APLN: variants seen among roughly 807,000 people sequenced by gnomAD.
APLN encodes the protein apelin, also known as AGTRL1 ligand.
In APLN, 2 loss-of-function variants were observed where a neutral mutation model predicts 4.3. The ratio of observed to expected loss-of-function variants is 0.46; its 90% confidence interval spans 0.19 to 1.45. The LOEUF (loss-of-function observed/expected upper bound fraction) is 1.45, where lower values mean the gene tolerates loss of function less well. Among genes scored for constraint, APLN ranks in the 40% most tolerant of loss-of-function variants. The pLI is 0.25. For synonymous variants in APLN, 34 were observed against 30.4 expected (o/e 1.12, Z -0.38); for missense variants, 80 against 70.0 (o/e 1.14, Z -0.51).
At chrX:129,653,593 T>C (rs756034835) in intron 1 of APLN, among the ~76,000 whole-genome samples, 1 of 112,124 alleles carries the variant, frequency 8.9e-6, no homozygotes, top group Admixed American at 9.3e-5. Context: ...CCAGGAGACA[T>C]TGACACAGAG....
At chrX:129,650,462 C>CCACACA (rs1229301015) in intron 1 of APLN, among the ~76,000 whole-genome samples, 1 of 110,144 alleles carries the variant, frequency 9.1e-6, no homozygotes, top group Non-Finnish European at 1.9e-5. Context: ...CCCACCCCCT[C>CCACACA]CACACACACA....
At chrX:129,647,950 T>C in intron 2 of APLN, 33 bp from the exon 3 acceptor site, 9 of 979,884 alleles carry the variant, frequency 9.2e-6, no homozygotes, top group African/African-American at 2.0e-5. Context: ...AGAGAAGTCA[T>C]GGACATATCC....
intron 1 of APLN, among the ~76,000 whole-genome samples, chrX:129,650,989 C>A (rs924032527): frequency 9.0e-6 from 1 of 111,584 alleles, no homozygotes; most frequent in African/African-American, 3.3e-5. Flanking sequence ...GTGGTGCAGG[C>A]CATTGTAGCT....
At chrX:129,653,565 A>G (rs1403374618) in intron 1 of APLN, among the ~76,000 whole-genome samples, 1 of 112,448 alleles carries the variant, frequency 8.9e-6, no homozygotes, top group Non-Finnish European at 1.9e-5. Flanking sequence ...TGGCAGCTGG[A>G]GGTGGGAGCT....
rs768408532 is a variant in APLN, at chrX:129,647,333, C to T, written c.*590G>A. On this transcript the variant is annotated 3_prime_UTR_variant, in exon 3 of 3. Transcript: ENST00000429967. ...TCTACCTCTCCCTTAACTGAGCAAACGCTGATGCTCCACCCACTTCACCAG... is the reference window on the plus strand; with the variant it reads ...TCTACCTCTCCCTTAACTGAGCAAATGCTGATGCTCCACCCACTTCACCAG... 1.3e-4 allele frequency: 29 copies of T among 222,652 alleles called. No individual in the cohort carries two copies. The highest frequency in any genetic ancestry group is 4.1e-4 in the African/African-American group (14 of 34,539). The allele number at this position is 222,652 out of a possible 1,213,427, so 18.3% of individuals were successfully genotyped here.
intron 1 of APLN, among the ~76,000 whole-genome samples, chrX:129,651,077 G>A (rs980970886): frequency 1.0e-5 from 1 of 95,320 alleles, no homozygotes; most frequent in South Asian, 4.3e-4. Flanking sequence ...CTCAGATTGT[G>A]AGTGTCTGGC....
chrX:129,647,746 C>T lies in APLN; in HGVS notation c.*177G>A. ...GAGAGAACGGGAATCATCCAAACTACAGCCAGGAGCACGCCACTGGGGGAA... is the reference window on the plus strand; with the variant it reads ...GAGAGAACGGGAATCATCCAAACTATAGCCAGGAGCACGCCACTGGGGGAA... On this transcript the variant is annotated 3_prime_UTR_variant, in exon 3 of 3. Transcript: ENST00000429967. 2.0e-6 allele frequency: 2 copies of T among 982,880 alleles called. No individual in the cohort carries two copies. Among genetic ancestry groups the T allele is most frequent in the Non-Finnish European group, 2.6e-6 (2 of 756,100 alleles). 81.0% of individuals were successfully genotyped at this position (982,880 alleles called of 1,213,427 possible).
intron 1 of APLN, among the ~76,000 whole-genome samples, chrX:129,651,329 A>G (rs755009296): frequency 9.1e-6 from 1 of 109,976 alleles, no homozygotes; most frequent in East Asian, 2.9e-4. Flanking sequence ...CCCGTCACCC[A>G]CCTGTTTCCT....
At position 129,645,311 on chromosome X, in the gene APLN, ACT is replaced by A. The variant is rs1936932546; in HGVS notation, c.*2610_*2611del. On this transcript the variant is annotated 3_prime_UTR_variant, in exon 3 of 3. Coordinates refer to ENST00000429967, the MANE Select transcript of APLN (RefSeq NM_017413.5). Reference sequence around the variant, plus strand: ...TTCAGGCTATCTCATTCATCAAGCAACTCTACTTTGTGAAACATAAAATGATA... The same window carrying A: ...TTCAGGCTATCTCATTCATCAAGCAACTACTTTGTGAAACATAAAATGATA... The A allele has an allele frequency of 8.9e-6, 1 of 112,357 alleles. No individual in the cohort carries two copies. The highest frequency in any genetic ancestry group is 1.9e-5 in the Non-Finnish European group (1 of 53,359). 9.3% of individuals were successfully genotyped at this position (112,357 alleles called of 1,213,427 possible). A position where few individuals can be genotyped will look rare whatever the true frequency, so the allele number is the denominator to read the frequency against.
Position 129,648,675 on chromosome X carries a change from A to G in APLN, c.185T>C (p.Phe62Ser), listed in dbSNP as rs768601709. 8.4e-7 allele frequency: 1 copy of G among 1,190,188 alleles called. No homozygotes were observed. The highest frequency in any genetic ancestry group is 1.9e-5 in the South Asian group (1 of 53,946). Residue 62 changes from phenylalanine (F) to serine (S), a missense_variant, in exon 2 of 3, where the codon TTC becomes TCC. Phe to Ser is a radical substitution (Grantham distance 155). Transcript: ENST00000429967. Reference protein sequence around the residue: ...PGPWQGGRRKFRRQRPRLSHK... With the variant: ...PGPWQGGRRKSRRQRPRLSHK... The stretch of plus-strand genomic sequence containing the variant: ...GGAGAGGCGGGGCCGCTGGCGGCGG[A>G]ATTTCCTCCGACCTCCCTGCCAGGG...
chrX:129,648,446 A>G (rs1325624575), intron 2 of APLN, among the ~76,000 whole-genome samples, 175 bp downstream of exon 2: 1 of 112,880 alleles, frequency 8.9e-6, no homozygotes, highest in African/African-American at 3.2e-5. Context: ...TGTAAAATAA[A>G]GGGGCTAGAC....
chrX:129,654,796 G>A lies in APLN; in HGVS notation c.-166C>T, dbSNP rs1336152024. On this transcript the variant is annotated 5_prime_UTR_variant, in exon 1 of 3. Coordinates refer to ENST00000429967, the MANE Select transcript of APLN (RefSeq NM_017413.5). ...GCGCTGAGCCCCGCCGCTCCCGCTG[G>A]CCGCCTCCGCTCTTCTGCAGCCTCC... is the stretch of plus-strand genomic sequence containing the variant. 4 of 237,003 alleles carry A rather than the reference G, an allele frequency of 1.7e-5. No homozygotes were observed. Among genetic ancestry groups the A allele is most frequent in the Non-Finnish European group, 1.5e-5 (2 of 137,755 alleles). 19.5% of individuals were successfully genotyped at this position (237,003 alleles called of 1,213,427 possible). A position where few individuals can be genotyped will look rare whatever the true frequency, so the allele number is the denominator to read the frequency against.
At chrX:129,651,780 TCA>T (rs1569469185) in intron 1 of APLN, among the ~76,000 whole-genome samples, 2 of 112,302 alleles carry the variant, frequency 1.8e-5, no homozygotes, top group African/African-American at 6.5e-5. Flanking sequence ...TTTTCCTCTC[TCA>T]GTCTGGCCTG....
chrX:129,652,707 G>A (rs1242054037), intron 1 of APLN, among the ~76,000 whole-genome samples: 1 of 112,523 alleles, frequency 8.9e-6, no homozygotes, highest in African/African-American at 3.2e-5. Flanking sequence ...GAAGTGGCAG[G>A]CTCTGGACCA....
chrX:129,647,060 C>T lies in APLN; in HGVS notation c.*863G>A, dbSNP rs1273869496. ...CCTCTCCAGGCTTCTGTTTTGCAGG[C>T]GTTTGCCTAAGAAGGCTAAGTGACC... On this transcript the variant is annotated 3_prime_UTR_variant, in exon 3 of 3. Coordinates refer to ENST00000429967, the MANE Select transcript of APLN (RefSeq NM_017413.5). 3 of 117,350 alleles carry T rather than the reference C, an allele frequency of 2.6e-5. No homozygotes were observed. Among genetic ancestry groups the T allele is most frequent in the East Asian group, 2.6e-4 (1 of 3,777 alleles). The allele number at this position is 117,350 out of a possible 1,213,427, so 9.7% of individuals were successfully genotyped here.
chrX:129,650,442 C>T (rs375922456), intron 1 of APLN, among the ~76,000 whole-genome samples: 1 of 110,503 alleles, frequency 9.0e-6, no homozygotes, highest in Non-Finnish European at 1.9e-5. Flanking sequence ...CCCACTCACA[C>T]CCAGACATAC....
Position 129,654,714 on chromosome X carries a change from C to T in APLN, c.-84G>A, listed in dbSNP as rs1925011372. 48 of 766,459 alleles carry T rather than the reference C, an allele frequency of 6.3e-5. No homozygotes were observed. The highest frequency in any genetic ancestry group is 7.9e-5 in the Non-Finnish European group (47 of 592,536). 63.2% of individuals were successfully genotyped at this position (766,459 alleles called of 1,213,427 possible). ...GCCCGGAGGCCAAGAAAGGCGCGAG[C>T]CGCGGCTGGCGCGTGCGGGCGCAGA... On this transcript the variant is annotated 5_prime_UTR_variant, in exon 1 of 3. Transcript: ENST00000429967.
chrX:129,651,039 A>G (rs770728467), intron 1 of APLN, among the ~76,000 whole-genome samples: 12 of 105,392 alleles, frequency 1.1e-4, no homozygotes, highest in Admixed American at 6.0e-4. Context: ...GCATGGTGCC[A>G]GGAGGGGGAG....
rs1043336751 is a variant in APLN, at chrX:129,647,425, C to T, written c.*498G>A. On this transcript the variant is annotated 3_prime_UTR_variant, in exon 3 of 3. Transcript: ENST00000429967. ...GCCCTGTCTGGATCCCCGCAGCCAG[C>T]ACCTCTTAACTAGAGTCTCTCCTTG... is the stretch of plus-strand genomic sequence containing the variant. 3.3e-6 allele frequency: 1 copy of T among 300,381 alleles called. No homozygotes were observed. Among genetic ancestry groups the T allele is most frequent in the African/African-American group, 2.7e-5 (1 of 36,424 alleles). 24.8% of individuals were successfully genotyped at this position (300,381 alleles called of 1,213,427 possible). A position where few individuals can be genotyped will look rare whatever the true frequency, so the allele number is the denominator to read the frequency against.
Sources: allele counts gnomAD v4.1 joint callset (sites outside exome capture counted in the v4.1 genomes callset), GRCh38; gene constraint gnomAD v4.1.1; transcripts MANE v1.5; gene names NCBI Gene and HGNC (gene_info 2026-07-23, HGNC 2026-07-21).